Variants in MS4A8 observed in about 807,000 individuals in gnomAD.
MS4A8 encodes the protein membrane-spanning 4-domains subfamily A member 8.
In MS4A8, 27 loss-of-function variants were observed where a neutral mutation model predicts 23.7. The ratio of observed to expected loss-of-function variants is 1.14; its 90% CI spans 0.84 to 1.57. The LOEUF (loss-of-function observed/expected upper bound fraction) is 1.57, where lower values mean the gene tolerates loss of function less well. MS4A8 is among the 40% of genes most tolerant of loss of function. The pLI, the probability that MS4A8 is intolerant of heterozygous loss-of-function variation, is 0.00. For missense variants in MS4A8, 301 were observed against 311.4 expected (o/e 0.97, Z 0.25); for synonymous variants, 138 against 126.3 (o/e 1.09, Z -0.62).
In MS4A8 at chr11:60,715,002, C is replaced by T. The variant is rs2088330671; in HGVS notation, c.535-19C>T. 5 of 1,581,046 alleles carry T rather than the reference C, an allele frequency of 3.2e-6. No individual in the cohort carries two copies. The highest frequency in any genetic ancestry group is 4.3e-6 in the Non-Finnish European group (5 of 1,149,936). On this transcript the variant is annotated intron_variant, in intron 5 of 6. Transcript: ENST00000300226. ...TCCCAGTCCCGTGCTCCTGTCCTCC[C>T]CATCTGCTCTGCCTACAGAACCCTG...
At chr11:60,713,909 CTTTTTTTTTT>C (rs1170997070) in intron 5 of MS4A8, among the ~76,000 whole-genome samples, 6 of 101,942 alleles carry the variant, frequency 5.9e-5, no homozygotes, top group South Asian at 3.1e-4. Context: ...GGTGATGACT[CTTTTTTTTTT>C]TTTTTTTTTT....
At chr11:60,704,116 C>CT (rs1245958477) in intron 3 of MS4A8, among the ~76,000 whole-genome samples, 3,190 of 126,814 alleles carry the variant, frequency 0.025, 139 homozygotes, top group African/African-American at 0.068. Context: ...TTTCTTTTTA[C>CT]TTTTTTTTTT....
chr11:60,709,059 C>T (rs1019371690), intron 5 of MS4A8: 9 of 368,554 alleles, frequency 2.4e-5, no homozygotes. Flanking sequence ...GCCCACCAAC[C>T]AGCACCTCTC....
At chr11:60,703,329 C>T (rs745878513) in intron 2 of MS4A8, 49 bp from the exon 3 acceptor site, 2 of 1,482,184 alleles carry the variant, frequency 1.3e-6, no homozygotes, top group South Asian at 2.8e-5. Flanking sequence ...ATAGGGGAGG[C>T]AGGACCCAGC....
At chr11:60,714,109 A>G (rs1350006005) in intron 5 of MS4A8, among the ~76,000 whole-genome samples, 1 of 145,612 alleles carries the variant, frequency 6.9e-6, no homozygotes, top group East Asian at 2.0e-4. Context: ...TATTTTTAGT[A>G]GAGACAGGGT....
chr11:60,712,624 TC>T, intron 5 of MS4A8: 1 of 386,464 alleles, frequency 2.6e-6, no homozygotes, highest in South Asian at 1.1e-4. Flanking sequence ...CGAAATCCCA[TC>T]TATACAAAAT....
intron 3 of MS4A8, among the ~76,000 whole-genome samples, chr11:60,706,713 G>C (rs7125482): frequency 0.04 from 6,072 of 152,302 alleles, 368 homozygotes; most frequent in African/African-American, 0.14. Context: ...CCATTTTGTA[G>C]ATGAGGAAAT....
At chr11:60,708,143 C>A in intron 4 of MS4A8, among the ~76,000 whole-genome samples, 1 of 152,146 alleles carries the variant, frequency 6.6e-6, no homozygotes, top group Admixed American at 6.5e-5. Context: ...CATCCGCGTC[C>A]AGCCCCAAAG....
chr11:60,712,125 C>T (rs917985436), intron 5 of MS4A8: 14 of 266,032 alleles, frequency 5.3e-5, no homozygotes, highest in African/African-American at 3.2e-4. Context: ...GGCCATTCTA[C>T]TCTAAGTCTC....
intron 2 of MS4A8, 54 bp from the exon 3 acceptor site, chr11:60,703,324 G>A: frequency 6.8e-7 from 1 of 1,464,474 alleles, no homozygotes. Flanking sequence ...GGCTCATAGG[G>A]GAGGCAGGAC....
At chr11:60,703,052 G>T in intron 2 of MS4A8, 1 of 192,234 alleles carries the variant, frequency 5.2e-6, no homozygotes, top group South Asian at 1.2e-4. Context: ...GATCTGAGCA[G>T]CCCTGAAAAA....
In MS4A8 at chr11:60,703,474, G is replaced by C. The variant is rs1365103071; in HGVS notation, c.316G>C (p.Gly106Arg). 5 of 1,607,956 alleles carry C rather than the reference G, an allele frequency of 3.1e-6. No homozygotes were observed. Among genetic ancestry groups the C allele is most frequent in the African/African-American group, 1.3e-5 (1 of 74,604 alleles). Residue 106 changes from glycine (G) to arginine (R), a missense_variant, in exon 3 of 7, where the codon GGC becomes CGC. Transcript: ENST00000300226. ...ATACCTGTCTATTTCATTCTACGGA[G>C]GCTTTCCCTTCTGGGGAGGCTTGTG... ...GEYLSISFYG[G>R]FPFWGGLWFI... is the part of the protein sequence containing the mutation.
chr11:60,701,652 C>CA (rs2088205661), intron 2 of MS4A8: 1 of 191,716 alleles, frequency 5.2e-6, no homozygotes. Flanking sequence ...AAAATTGATA[C>CA]AACCCTTAGG....
At chr11:60,709,936 A>G (rs952123706) in intron 5 of MS4A8, among the ~76,000 whole-genome samples, 6 of 152,176 alleles carry the variant, frequency 3.9e-5, no homozygotes, top group Admixed American at 2.0e-4. Context: ...CACTTTAGTG[A>G]GTCCAATCCT....
intron 2 of MS4A8, among the ~76,000 whole-genome samples, chr11:60,702,548 A>G (rs1294738011): frequency 2.0e-5 from 3 of 152,160 alleles, no homozygotes; most frequent in Non-Finnish European, 2.9e-5. Context: ...GATTACAGGC[A>G]CCCACCATCA....
At position 60,707,016 on chromosome 11, in the gene MS4A8, C is replaced by A; in HGVS notation, c.371C>A (p.Ala124Glu). ...WFIISGSLSV[A>E]AENQPYSYCL... Reference sequence around the variant, plus strand: ...ATCATTTCAGGATCTCTCTCCGTGGCAGCAGAAAATCAGCCATATTCTTAT... The same window carrying A: ...ATCATTTCAGGATCTCTCTCCGTGGAAGCAGAAAATCAGCCATATTCTTAT... The change falls in exon 4 of 7, where the codon GCA (alanine) becomes GAA (glutamate). Residue 124 changes from alanine (A) to glutamate (E), a missense_variant. By Grantham distance (107) the Ala-to-Glu change is moderately radical. Transcript: ENST00000300226. The A allele has an allele frequency of 1.2e-6, 2 of 1,614,154 alleles. No individual in the cohort carries two copies. Among genetic ancestry groups the A allele is most frequent in the Non-Finnish European group, 1.7e-6 (2 of 1,180,014 alleles).
rs538779400 is a variant in MS4A8, at chr11:60,702,707, A to AT, written c.220-665dup. 4.1e-4 allele frequency among the ~76,000 whole-genome samples: 62 copies of AT among 152,192 alleles called. No individual in the cohort carries two copies. In the East Asian group the frequency reaches 0.012, roughly 29 times the overall value. ...AGCCACTGTGCCTGGCCCACATGGC[A>AT]TTTTTTATAAGGACACCAATCATAT... On this transcript the variant is annotated intron_variant, in intron 2 of 6. Coordinates refer to ENST00000300226, the MANE Select transcript of MS4A8 (RefSeq NM_031457.2).
chr11:60,710,073 T>C (rs137868644), intron 5 of MS4A8, among the ~76,000 whole-genome samples: 2 of 152,314 alleles, frequency 1.3e-5, no homozygotes, highest in East Asian at 3.9e-4. Context: ...TTGCTTGACT[T>C]CCAGGCTCCA....
At position 60,703,425 on chromosome 11, in the gene MS4A8, C is replaced by T. The variant is rs2088223867; in HGVS notation, c.267C>T (p.Ile89=). ...TGGCTCACATCGGCCTCGGCTCCAT[C>T]ATGGCGACGGTTCTCGTAGGGGAAT... ...IGLAHIGLGS[I]MATVLVGEYL... is the part of the protein sequence containing the mutation. The change falls in exon 3 of 7, where the codon ATC becomes ATT. Residue 89 remains isoleucine, a synonymous_variant. Coordinates refer to ENST00000300226, the MANE Select transcript of MS4A8 (RefSeq NM_031457.2). The T allele has an allele frequency of 6.2e-7, 1 of 1,604,884 alleles. No homozygotes were observed.
Sources: allele counts gnomAD v4.1 joint callset (sites outside exome capture counted in the v4.1 genomes callset), GRCh38; gene constraint gnomAD v4.1.1; transcripts MANE v1.5; gene names NCBI Gene and HGNC (gene_info 2026-07-23, HGNC 2026-07-21).